RANBP2: variants seen among roughly 807,000 people sequenced by gnomAD.
RANBP2 encodes the protein E3 SUMO-protein ligase RanBP2.
A neutral mutation model predicts 303.6 loss-of-function variants in RANBP2; 57 were observed. The ratio of observed to expected loss-of-function variants is 0.19; its 90% CI spans 0.15 to 0.23. RANBP2 has a LOEUF of 0.23. Ranked by LOEUF, RANBP2 falls within the 10% of genes least tolerant of loss-of-function variation. The probability of loss-of-function intolerance (pLI) is 1.00; values close to 1 mark genes in which losing one functional copy is unlikely to be tolerated. For synonymous variants in RANBP2, 1,167 were observed against 1,301.5 expected (o/e 0.90, Z 2.23); for missense variants, 3,138 against 3,780.8 (o/e 0.83, Z 4.46).
the RANBP2 span, among the ~76,000 whole-genome samples, chr2:109,611,779 G>A: frequency 6.6e-6 from 1 of 152,108 alleles, no homozygotes; most frequent in Non-Finnish European, 1.5e-5. Context: ...AAATCACCAT[G>A]AGGTGTCACT....
the RANBP2 span, among the ~76,000 whole-genome samples, chr2:109,165,120 C>A: frequency 1.3e-5 from 2 of 152,180 alleles, no homozygotes; most frequent in East Asian, 1.9e-4. Context: ...TGGCTTCCCC[C>A]CTCCTTTAGT....
chr2:109,725,080 C>T, the RANBP2 span, among the ~76,000 whole-genome samples: 1 of 152,168 alleles, frequency 6.6e-6, no homozygotes, highest in African/African-American at 2.4e-5. Context: ...GAGTGGCCAC[C>T]GTGTGCCAGG....
the RANBP2 span, among the ~76,000 whole-genome samples, chr2:109,510,679 G>A: frequency 2.0e-5 from 3 of 152,200 alleles, no homozygotes; most frequent in East Asian, 3.9e-4. Flanking sequence ...AGCCACTTGT[G>A]TGTGCCATGG....
At chr2:109,137,777 AAAG>A in the RANBP2 span, among the ~76,000 whole-genome samples, 2 of 152,326 alleles carry the variant, frequency 1.3e-5, no homozygotes, top group Non-Finnish European at 2.9e-5. Context: ...TTTTGCGTTC[AAAG>A]ACTAATCGGT....
At chr2:108,941,708 T>C in the RANBP2 span, among the ~76,000 whole-genome samples, 1 of 152,186 alleles carries the variant, frequency 6.6e-6, no homozygotes, top group Non-Finnish European at 1.5e-5. Context: ...CCATTATAAA[T>C]AATCACCCTC....
At chr2:109,609,170 T>C in the RANBP2 span, among the ~76,000 whole-genome samples, 1 of 152,212 alleles carries the variant, frequency 6.6e-6, no homozygotes, top group Non-Finnish European at 1.5e-5. Flanking sequence ...GGGGCTTCAT[T>C]AGAACATAAG....
At chr2:108,969,819 C>T in the RANBP2 span, among the ~76,000 whole-genome samples, 10 of 152,262 alleles carry the variant, frequency 6.6e-5, no homozygotes, top group East Asian at 1.9e-4. Context: ...TTAATAACAA[C>T]GCAAGGCAGT....
the RANBP2 span, among the ~76,000 whole-genome samples, chr2:109,152,146 C>T: frequency 8.5e-5 from 13 of 152,178 alleles, no homozygotes; most frequent in Non-Finnish European, 1.5e-4. Context: ...AATTTGGTGT[C>T]TGGAATTACA....
At chr2:108,986,409 A>T in the RANBP2 span, among the ~76,000 whole-genome samples, 4 of 151,976 alleles carry the variant, frequency 2.6e-5, no homozygotes, top group East Asian at 1.9e-4. Context: ...CTCCACTCTT[A>T]TTTTTATAAT....
the RANBP2 span, among the ~76,000 whole-genome samples, chr2:109,144,565 G>T: frequency 6.6e-6 from 1 of 152,268 alleles, no homozygotes. Context: ...TTTTATGCTT[G>T]CAAGCAGCGT....
At chr2:108,774,704 CTTT>C (rs5833302) in intron 23 of RANBP2, among the ~76,000 whole-genome samples, 3 of 138,224 alleles carry the variant, frequency 2.2e-5, no homozygotes. Flanking sequence ...TTTCTAGTTT[CTTT>C]TTTTTTTTTT....
At chr2:109,134,302 G>A in the RANBP2 span, among the ~76,000 whole-genome samples, 1 of 152,076 alleles carries the variant, frequency 6.6e-6, no homozygotes, top group African/African-American at 2.4e-5. Context: ...GTCGTGGTTC[G>A]GTCTTGGATA....
chr2:109,743,293 A>G, the RANBP2 span, among the ~76,000 whole-genome samples: 2 of 99,168 alleles, frequency 2.0e-5, no homozygotes, highest in Non-Finnish European at 5.1e-5. Context: ...AAATCTAGAC[A>G]TAGACCTTAC....
At chr2:109,645,628 C>G in the RANBP2 span, among the ~76,000 whole-genome samples, 1 of 152,304 alleles carries the variant, frequency 6.6e-6, no homozygotes, top group African/African-American at 2.4e-5. Context: ...CTCAGGGTCC[C>G]CTGCCTGGAC....
chr2:109,701,878 G>C, the RANBP2 span, among the ~76,000 whole-genome samples: 1 of 152,138 alleles, frequency 6.6e-6, no homozygotes, highest in South Asian at 2.1e-4. Flanking sequence ...AACCACAAAG[G>C]CCAGTCAGTC....
At chr2:108,849,836 C>G in the RANBP2 span, among the ~76,000 whole-genome samples, 2 of 152,196 alleles carry the variant, frequency 1.3e-5, no homozygotes, top group Admixed American at 1.3e-4. Context: ...AAGGTACATG[C>G]TGCTGCCATC....
At chr2:108,963,705 T>G in the RANBP2 span, among the ~76,000 whole-genome samples, 1 of 152,226 alleles carries the variant, frequency 6.6e-6, no homozygotes, top group Non-Finnish European at 1.5e-5. Flanking sequence ...CACTGCAGAA[T>G]GTTGCGGCCA....
At chr2:109,592,507 T>C in the RANBP2 span, among the ~76,000 whole-genome samples, 2 of 150,406 alleles carry the variant, frequency 1.3e-5, no homozygotes, top group African/African-American at 4.9e-5. Context: ...GAAATAGGGC[T>C]GGGCGCAGTG....
the RANBP2 span, among the ~76,000 whole-genome samples, chr2:108,913,228 C>A: frequency 6.6e-6 from 1 of 151,994 alleles, no homozygotes; most frequent in East Asian, 1.9e-4. Flanking sequence ...GGATTACAGG[C>A]ATGAGCCACC....
Sources: gnomAD v4.1 joint callset for allele counts (sites outside exome capture counted in the v4.1 genomes callset) on GRCh38, gnomAD v4.1.1 for gene constraint, MANE v1.5 for transcripts, NCBI Gene and HGNC (gene_info 2026-07-23, HGNC 2026-07-21) for gene names.